MED26: variants seen among roughly 807,000 people sequenced by gnomAD.
The protein encoded by MED26 is mediator of RNA polymerase II transcription subunit 26.
In MED26, 7 loss-of-function variants were observed where a neutral mutation model predicts 43.7. That is an observed-to-expected ratio of 0.16 (90% CI 0.09 to 0.30). The LOEUF is 0.30. Ranked by LOEUF, MED26 falls within the 10% of genes least tolerant of loss-of-function variation. The pLI is 1.00. For missense variants in MED26, 784 were observed against 840.6 expected (o/e 0.93, Z 0.83); for synonymous variants, 375 against 371.1 (o/e 1.01, Z -0.12).
At chr19:16,606,185 G>A (rs565326481) in intron 1 of MED26, among the ~76,000 whole-genome samples, 30 of 152,340 alleles carry the variant, frequency 2.0e-4, no homozygotes, top group Middle Eastern at 3.4e-3. Flanking sequence ...GAGAGGCTGC[G>A]GTGACTCTTG....
At chr19:16,596,004 C>CA (rs2086118556) in intron 1 of MED26, among the ~76,000 whole-genome samples, 2 of 152,194 alleles carry the variant, frequency 1.3e-5, no homozygotes, top group Admixed American at 6.5e-5. Flanking sequence ...GGTACTGCCT[C>CA]AACTTTTTTC....
intron 1 of MED26, among the ~76,000 whole-genome samples, chr19:16,585,239 C>T (rs2122391862): frequency 6.6e-6 from 1 of 152,296 alleles, no homozygotes. Context: ...CCCGGTCCGA[C>T]TCTCAGGTGT....
intron 1 of MED26, among the ~76,000 whole-genome samples, chr19:16,602,732 A>C (rs1221925178): frequency 6.6e-6 from 1 of 152,224 alleles, no homozygotes; most frequent in African/African-American, 2.4e-5. Context: ...ATGCTGAGGG[A>C]AAGAAGCCAG....
intron 1 of MED26, among the ~76,000 whole-genome samples, chr19:16,596,538 G>A (rs888502870): frequency 5.3e-5 from 8 of 152,294 alleles, no homozygotes; most frequent in South Asian, 4.1e-4. Flanking sequence ...TCGGCTGCAC[G>A]CTGCCACACC....
intron 1 of MED26, among the ~76,000 whole-genome samples, chr19:16,605,145 T>C (rs2086166763): frequency 6.6e-6 from 1 of 152,238 alleles, no homozygotes; most frequent in African/African-American, 2.4e-5. Context: ...CATCAAAATG[T>C]AGCGTAGAGC....
At chr19:16,615,768 A>C (rs1280862576) in intron 1 of MED26, among the ~76,000 whole-genome samples, 12 of 149,888 alleles carry the variant, frequency 8.0e-5, no homozygotes, top group Admixed American at 1.3e-4. Context: ...AAAAAAAAAA[A>C]GTTTAGGACA....
chr19:16,626,778 G>T (rs1389615310), intron 1 of MED26, among the ~76,000 whole-genome samples: 3 of 152,108 alleles, frequency 2.0e-5, no homozygotes, highest in Admixed American at 1.3e-4. Flanking sequence ...GATCTCAATG[G>T]CCACTTCCTG....
intron 1 of MED26, among the ~76,000 whole-genome samples, chr19:16,619,442 G>T (rs1465064958): frequency 6.6e-6 from 1 of 152,200 alleles, no homozygotes; most frequent in Non-Finnish European, 1.5e-5. Flanking sequence ...ACTCAAGCTG[G>T]GCCAGGAACC....
In MED26 at chr19:16,575,886, C is replaced by T; in HGVS notation, c.*141G>A. The T allele has an allele frequency of 1.5e-6, 1 of 673,274 alleles. No individual in the cohort carries two copies. Among genetic ancestry groups the T allele is most frequent in the Non-Finnish European group, 2.5e-6 (1 of 397,332 alleles). The allele number at this position is 673,274 out of a possible 1,614,324, so 41.7% of individuals were successfully genotyped here. On this transcript the variant is annotated 3_prime_UTR_variant, in exon 3 of 3. Transcript: ENST00000263390. ...AAGAGCGCAGAGAGACCGCGTGACT[C>T]CCGCCCCCTCCCTCCCGCCTGGGCC...
chr19:16,599,171 CTT>C (rs1033852445), intron 1 of MED26, among the ~76,000 whole-genome samples: 3 of 152,172 alleles, frequency 2.0e-5, no homozygotes, highest in Non-Finnish European at 4.4e-5. Context: ...CTACTTCACT[CTT>C]GTCTTAAACA....
chr19:16,588,314 A>G (rs1342869829), intron 1 of MED26: 1 of 152,264 alleles, frequency 6.6e-6, no homozygotes, highest in Non-Finnish European at 1.5e-5. Flanking sequence ...GGAAACACAC[A>G]CACAGTGCTC....
chr19:16,625,063 G>A (rs1353125100), intron 1 of MED26, among the ~76,000 whole-genome samples: 1 of 152,198 alleles, frequency 6.6e-6, no homozygotes, highest in Non-Finnish European at 1.5e-5. Flanking sequence ...TGCAGTGAGA[G>A]TAAGCTGGAA....
At chr19:16,599,317 T>C (rs1444563259) in intron 1 of MED26, among the ~76,000 whole-genome samples, 3 of 152,186 alleles carry the variant, frequency 2.0e-5, no homozygotes, top group African/African-American at 7.2e-5. Context: ...GCAGGAAACA[T>C]GGATCCTCTA....
intron 1 of MED26, among the ~76,000 whole-genome samples, chr19:16,585,562 C>T (rs1323008800): frequency 2.0e-5 from 3 of 152,192 alleles, no homozygotes; most frequent in Admixed American, 6.5e-5. Context: ...CTCCCATCTG[C>T]GATCCACATC....
chr19:16,594,169 G>A (rs2086110231), intron 1 of MED26, among the ~76,000 whole-genome samples: 1 of 152,246 alleles, frequency 6.6e-6, no homozygotes. Context: ...GGCAGGGAGA[G>A]TGGAAGCTTG....
intron 1 of MED26, among the ~76,000 whole-genome samples, chr19:16,591,142 A>C (rs79822943): frequency 0.036 from 5,515 of 152,242 alleles, 237 homozygotes; most frequent in Admixed American, 0.088. Flanking sequence ...AGCAGGTCCT[A>C]GGAAAAGTAG....
intron 1 of MED26, chr19:16,610,999 A>T (rs897885937): frequency 5.8e-5 from 8 of 138,960 alleles, no homozygotes; most frequent in African/African-American, 2.1e-4. Context: ...CATGACAATA[A>T]GGAATGTGGG....
chr19:16,583,678 G>GCAGGTCCAGCC (rs573961781), intron 1 of MED26, among the ~76,000 whole-genome samples: 190 of 152,298 alleles, frequency 1.2e-3, no homozygotes, highest in African/African-American at 4.5e-3. Flanking sequence ...AGGTATACAT[G>GCAGGTCCAGCC]CAGGTCCAGC....
At chr19:16,627,738 G>T in intron 1 of MED26, 134 bp downstream of exon 1, 1 of 546,648 alleles carries the variant, frequency 1.8e-6, no homozygotes, top group Non-Finnish European at 2.8e-6. Flanking sequence ...GCGAGAGGCA[G>T]GGATGGCAGC....
Sources: allele counts gnomAD v4.1 joint callset (sites outside exome capture counted in the v4.1 genomes callset), GRCh38; gene constraint gnomAD v4.1.1; transcripts MANE v1.5; gene names NCBI Gene and HGNC (gene_info 2026-07-23, HGNC 2026-07-21).